TMCC1: variants seen among roughly 807,000 people sequenced by gnomAD.
TMCC1 encodes the protein transmembrane and coiled-coil domain family 1, also known as transmembrane and coiled-coil domains protein 1.
A neutral mutation model predicts 52.4 loss-of-function variants in TMCC1; 15 were observed. That is an observed-to-expected ratio of 0.29 (90% CI 0.19 to 0.44). The LOEUF (loss-of-function observed/expected upper bound fraction) is 0.44, where lower values mean the gene tolerates loss of function less well. TMCC1 is among the 20% of genes least tolerant of loss of function. The pLI, the probability that TMCC1 is intolerant of heterozygous loss-of-function variation, is 1.00. For missense variants in TMCC1, 503 were observed against 806.0 expected, an observed-to-expected ratio of 0.62 and a Z score of 4.55; for synonymous variants, 279 against 301.9, an observed-to-expected ratio of 0.92 and a Z score of 0.79.
chr3:129,716,265 C>T (rs1386084077), intron 4 of TMCC1, among the ~76,000 whole-genome samples: 11 of 149,300 alleles, frequency 7.4e-5, no homozygotes, highest in Non-Finnish European at 1.6e-4. Context: ...CGGGTTCAAG[C>T]GAGTCTCCTG....
At chr3:129,688,702 G>C in intron 4 of TMCC1, 3 of 985,432 alleles carry the variant, frequency 3.0e-6, no homozygotes, top group African/African-American at 1.7e-5. Flanking sequence ...GTGTGCGCGC[G>C]CACGCAGTTT....
At chr3:129,788,833 T>C (rs1413284371) in intron 4 of TMCC1, among the ~76,000 whole-genome samples, 1 of 152,126 alleles carries the variant, frequency 6.6e-6, no homozygotes, top group Admixed American at 6.5e-5. Context: ...TTTTGTAAAA[T>C]ACCAAAATGT....
In TMCC1 at chr3:129,651,174, T is replaced by C; in HGVS notation, c.*307A>G. 1 of 317,880 alleles carries C rather than the reference T, an allele frequency of 3.1e-6. No homozygotes were observed. Among genetic ancestry groups the C allele is most frequent in the Non-Finnish European group, 5.9e-6 (1 of 169,768 alleles). 19.7% of individuals were successfully genotyped at this position (317,880 alleles called of 1,614,324 possible). On this transcript the variant is annotated 3_prime_UTR_variant, in exon 7 of 7. Coordinates refer to ENST00000393238, the MANE Select transcript of TMCC1 (RefSeq NM_001017395.5). This position sits in a 1 kb window ranked among gnomAD's most constrained non-coding sequence, Gnocchi z 5.1. ...TAGTGCAGTCCTTCAAGCCACAATT[T>C]AGATTGCCCTTCGGTGTGCTCCAGA...
At chr3:129,750,429 C>G (rs551195296) in intron 4 of TMCC1, among the ~76,000 whole-genome samples, 1 of 151,608 alleles carries the variant, frequency 6.6e-6, no homozygotes, top group African/African-American at 2.4e-5. Context: ...TGACCTCAGG[C>G]AATCCACCTG....
chr3:129,661,940 T>C (rs1317071982), intron 5 of TMCC1, among the ~76,000 whole-genome samples: 1 of 152,242 alleles, frequency 6.6e-6, no homozygotes, highest in Non-Finnish European at 1.5e-5. Flanking sequence ...CTTTATTTTC[T>C]AGTGTTTACT....
At chr3:129,862,608 G>A (rs1438407038) in intron 2 of TMCC1, among the ~76,000 whole-genome samples, 1 of 152,180 alleles carries the variant, frequency 6.6e-6, no homozygotes. Context: ...TAAAATAAGT[G>A]CTGAATAAAT....
chr3:129,649,885 G>A lies in TMCC1; in HGVS notation c.*1596C>T, dbSNP rs1183092615. On this transcript the variant is annotated 3_prime_UTR_variant, in exon 7 of 7. Transcript: ENST00000393238. ...ACCAGGATGATGGAACTGGTTATGC[G>A]ACGGGGGAAGGCAGCTCAGTTCATT... 2 of 152,488 alleles carry A rather than the reference G, an allele frequency of 1.3e-5. No homozygotes were observed. The highest frequency in any genetic ancestry group is 4.8e-5 in the African/African-American group (2 of 41,420). 9.4% of individuals were successfully genotyped at this position (152,488 alleles called of 1,614,324 possible). A position where few individuals can be genotyped will look rare whatever the true frequency, so the allele number is the denominator to read the frequency against.
chr3:129,855,629 C>T (rs2717250), intron 2 of TMCC1, among the ~76,000 whole-genome samples: 95,870 of 151,990 alleles, frequency 0.63, 35,480 homozygotes, highest in Non-Finnish European at 0.83. Context: ...GCCTCATTCA[C>T]AAAATTCTTG....
At chr3:129,710,813 A>G (rs1157116618) in intron 4 of TMCC1, among the ~76,000 whole-genome samples, 3 of 152,228 alleles carry the variant, frequency 2.0e-5, no homozygotes, top group African/African-American at 7.2e-5. Flanking sequence ...TTTGTGGCCC[A>G]AGTCTTTCTC....
intron 4 of TMCC1, among the ~76,000 whole-genome samples, chr3:129,673,910 G>A (rs1179584721): frequency 6.6e-6 from 1 of 151,888 alleles, no homozygotes; most frequent in African/African-American, 2.4e-5. Flanking sequence ...ATGATGGACT[G>A]CATATACAAC....
At chr3:129,843,721 A>T (rs2059529754) in intron 2 of TMCC1, among the ~76,000 whole-genome samples, 1 of 152,144 alleles carries the variant, frequency 6.6e-6, no homozygotes, top group Non-Finnish European at 1.5e-5. Context: ...GAAGAAAGTG[A>T]ATTTGTAGTT....
intron 4 of TMCC1, among the ~76,000 whole-genome samples, chr3:129,766,933 C>T (rs999606198): frequency 2.0e-5 from 3 of 151,056 alleles, no homozygotes; most frequent in African/African-American, 7.3e-5. Flanking sequence ...TTAAATAAAT[C>T]TTATGATAAA....
intron 4 of TMCC1, among the ~76,000 whole-genome samples, chr3:129,789,014 CA>C (rs2056257760): frequency 6.6e-6 from 1 of 152,132 alleles, no homozygotes; most frequent in Non-Finnish European, 1.5e-5. Flanking sequence ...CAAAACATTA[CA>C]TTTCCAAGTA....
intron 1 of TMCC1, among the ~76,000 whole-genome samples, chr3:129,880,869 T>C (rs952940495): frequency 2.0e-5 from 3 of 151,414 alleles, no homozygotes; most frequent in East Asian, 3.8e-4. Flanking sequence ...TTTTTCTTTT[T>C]TTTTTTTTTT....
At chr3:129,843,203 C>T (rs931176196) in intron 2 of TMCC1, among the ~76,000 whole-genome samples, 4 of 151,938 alleles carry the variant, frequency 2.6e-5, no homozygotes, top group South Asian at 2.1e-4. Flanking sequence ...AAAAATTAGC[C>T]GGGCGTGGTG....
chr3:129,815,877 T>C (rs2058071161), intron 4 of TMCC1, among the ~76,000 whole-genome samples: 1 of 152,066 alleles, frequency 6.6e-6, no homozygotes, highest in Non-Finnish European at 1.5e-5. Flanking sequence ...CCAGAATACA[T>C]AAGGAACTCA....
At position 129,731,367 on chromosome 3, in the gene TMCC1, C is replaced by G. The variant is rs539587164; in HGVS notation, c.577-60103G>C. On this transcript the variant is annotated intron_variant, in intron 4 of 6. Coordinates refer to ENST00000393238, the MANE Select transcript of TMCC1 (RefSeq NM_001017395.5). ...CCAAGGTGGAGAGATCACATGAGGCCAGGAGTTTGAGACCAGTCTAGCCAA... is the reference window on the plus strand; with the variant it reads ...CCAAGGTGGAGAGATCACATGAGGCGAGGAGTTTGAGACCAGTCTAGCCAA... Among the ~76,000 whole-genome samples, 5 of 152,310 alleles carry G rather than the reference C, an allele frequency of 3.3e-5. No homozygotes were observed. In the South Asian group the frequency reaches 1.0e-3, roughly 32 times the overall value.
chr3:129,670,052 A>G (rs1273429500), intron 5 of TMCC1, among the ~76,000 whole-genome samples: 1 of 152,242 alleles, frequency 6.6e-6, no homozygotes, highest in East Asian at 1.9e-4. Flanking sequence ...AATGTAGTAC[A>G]GTTACAGGCT....
chr3:129,761,021 C>G (rs1331091128), intron 4 of TMCC1, among the ~76,000 whole-genome samples: 1 of 152,076 alleles, frequency 6.6e-6, no homozygotes, highest in African/African-American at 2.4e-5. Context: ...AATACTTCCA[C>G]TGCCCTAAAA....
Sources: gnomAD v4.1 joint callset for allele counts (sites outside exome capture counted in the v4.1 genomes callset) on GRCh38, gnomAD v4.1.1 for gene constraint, Gnocchi (gnomAD v3.1) non-coding constraint, MANE v1.5 for transcripts, NCBI Gene and HGNC (gene_info 2026-07-23, HGNC 2026-07-21) for gene names.